The following SPEF2 variants were observed in gnomAD, a reference collection of about 807,000 sequenced individuals.
SPEF2 encodes the protein sperm flagella and cilia-associated protein 2.
Under a neutral mutation model 224.6 loss-of-function variants are expected in SPEF2, and 187 were observed. The observed-to-expected ratio is 0.83, with a 90% confidence interval of 0.74 to 0.94. The LOEUF (loss-of-function observed/expected upper bound fraction) is 0.94. Ranked by LOEUF, SPEF2 falls within the 40% of genes least tolerant of loss-of-function variation. The pLI is 0.00. For synonymous variants in SPEF2, 715 were observed against 707.3 expected (o/e 1.01, Z -0.17); for missense variants, 2,170 against 2,135.6 (o/e 1.02, Z -0.32).
chr5:35,618,149 G>A, intron 1 of SPEF2, 94 bp downstream of exon 1: 1 of 1,391,254 alleles, frequency 7.2e-7, no homozygotes. Context: ...GTGGCGGGCA[G>A]GGCGCGAGCT....
In SPEF2 at chr5:35,683,817, A is replaced by G. The variant is rs181180980; in HGVS notation, c.1525-7220A>G. On this transcript the variant is annotated intron_variant, in intron 10 of 36. Transcript: ENST00000356031. ...TACTTACACCTTCTCAAAAATACAT[A>G]CTGATAGTATTTATGCAGGTACAAT... 6.4e-3 allele frequency among the ~76,000 whole-genome samples: 974 copies of G among 152,330 alleles called. 53 individuals are homozygous for G. Among genetic ancestry groups the G allele is most frequent in the Admixed American group, 0.059 (908 of 15,290 alleles).
At chr5:35,694,073 T>C (rs957616803) in intron 12 of SPEF2, among the ~76,000 whole-genome samples, 2 of 152,228 alleles carry the variant, frequency 1.3e-5, no homozygotes, top group Admixed American at 1.3e-4. Flanking sequence ...CACAGGTTGC[T>C]GTGTATTTCT....
intron 5 of SPEF2, among the ~76,000 whole-genome samples, chr5:35,648,365 T>G (rs763232078): frequency 6.7e-6 from 1 of 149,118 alleles, no homozygotes; most frequent in Non-Finnish European, 1.5e-5. Flanking sequence ...TTGATTAAAG[T>G]TTTTTTTTTG....
chr5:35,704,780 G>C, intron 17 of SPEF2, 118 bp downstream of exon 17: 2 of 672,490 alleles, frequency 3.0e-6, no homozygotes, highest in East Asian at 2.9e-5. Flanking sequence ...ATCTTTTACA[G>C]GTAAAAGAAG....
intron 4 of SPEF2, 60 bp from the exon 5 acceptor site, chr5:35,646,607 G>C: frequency 6.6e-7 from 1 of 1,510,396 alleles, no homozygotes; most frequent in Non-Finnish European, 9.0e-7. Context: ...ACCTATGAGT[G>C]TATTATATTG....
chr5:35,705,889 T>A, intron 18 of SPEF2, 81 bp downstream of exon 18: 1 of 936,100 alleles, frequency 1.1e-6, no homozygotes, highest in Non-Finnish European at 1.5e-6. Flanking sequence ...AATGAAGATG[T>A]GATTGAAAAG....
At chr5:35,715,064 T>G (rs973330602) in intron 20 of SPEF2, among the ~76,000 whole-genome samples, 1 of 151,834 alleles carries the variant, frequency 6.6e-6, no homozygotes, top group Non-Finnish European at 1.5e-5. Flanking sequence ...AACAGGCATA[T>G]GCCACCACGC....
At chr5:35,636,121 T>C (rs531065097) in intron 2 of SPEF2, among the ~76,000 whole-genome samples, 1 of 152,308 alleles carries the variant, frequency 6.6e-6, no homozygotes, top group East Asian at 1.9e-4. Flanking sequence ...TTTTGTTTGT[T>C]TGTTTGTTTA....
At chr5:35,702,216 G>GC in intron 16 of SPEF2, 1 of 456,242 alleles carries the variant, frequency 2.2e-6, no homozygotes, top group Middle Eastern at 3.3e-4. Context: ...ATGCAGTTCT[G>GC]CAGTGCTCGG....
chr5:35,703,445 C>G (rs576546622), intron 16 of SPEF2, among the ~76,000 whole-genome samples: 3 of 152,246 alleles, frequency 2.0e-5, no homozygotes, highest in East Asian at 3.9e-4. Flanking sequence ...TGAAGAGATT[C>G]ATCAACTATA....
chr5:35,800,253 G>T, intron 34 of SPEF2, 106 bp downstream of exon 34: 2 of 1,274,136 alleles, frequency 1.6e-6, no homozygotes, highest in Non-Finnish European at 2.1e-6. Context: ...TATTTTCCTA[G>T]GTGTGTAATA....
intron 10 of SPEF2, among the ~76,000 whole-genome samples, chr5:35,686,092 T>A (rs1332701617): frequency 1.3e-5 from 2 of 152,058 alleles, no homozygotes; most frequent in African/African-American, 4.8e-5. Flanking sequence ...TACATTAAGA[T>A]GATTAGGGGC....
In SPEF2 at chr5:35,736,731, AT is replaced by A. The variant is rs1746670282; in HGVS notation, c.3064-3186del. Reference sequence around the variant, plus strand: ...GATTTCCCATCAAGAGTTTTACAAAATTGGTCTTGTTTGATGAGGGGAATGA... The same window carrying A: ...GATTTCCCATCAAGAGTTTTACAAAATGGTCTTGTTTGATGAGGGGAATGA... On this transcript the variant is annotated intron_variant, in intron 21 of 36. Transcript: ENST00000356031. 2.0e-5 allele frequency among the ~76,000 whole-genome samples: 3 copies of A among 152,314 alleles called. No individual in the cohort carries two copies. The South Asian group carries it at 6.2e-4, about 32-fold the overall frequency.
At chr5:35,813,526 T>A (rs1561401370) in intron 36 of SPEF2, among the ~76,000 whole-genome samples, 1 of 152,166 alleles carries the variant, frequency 6.6e-6, no homozygotes, top group Non-Finnish European at 1.5e-5. Flanking sequence ...AGAATTATAC[T>A]GGGTAAGACT....
intron 33 of SPEF2, among the ~76,000 whole-genome samples, chr5:35,798,343 A>G (rs1756963892): frequency 6.6e-6 from 1 of 152,134 alleles, no homozygotes; most frequent in Non-Finnish European, 1.5e-5. Flanking sequence ...AATTCTGCTC[A>G]GCCACACTGA....
chr5:35,723,018 T>TA (rs1744025177), intron 20 of SPEF2, among the ~76,000 whole-genome samples: 1 of 151,954 alleles, frequency 6.6e-6, no homozygotes, highest in Non-Finnish European at 1.5e-5. Context: ...TTTATTGGGT[T>TA]AAAACGGAAA....
At chr5:35,732,398 T>C (rs754038690) in intron 21 of SPEF2, among the ~76,000 whole-genome samples, 4 of 151,372 alleles carry the variant, frequency 2.6e-5, no homozygotes, top group Admixed American at 2.0e-4. Context: ...AGCACCACTA[T>C]GGATATCACT....
chr5:35,716,848 A>AT (rs1742672135), intron 20 of SPEF2, among the ~76,000 whole-genome samples: 1 of 151,978 alleles, frequency 6.6e-6, no homozygotes, highest in Non-Finnish European at 1.5e-5. Flanking sequence ...GGAACCATCT[A>AT]TTTTTTCCTT....
chr5:35,694,766 G>T (rs1009551200), intron 13 of SPEF2, among the ~76,000 whole-genome samples: 1 of 152,168 alleles, frequency 6.6e-6, no homozygotes, highest in African/African-American at 2.4e-5. Context: ...GCAGAAGGCT[G>T]TAGGGGCTGG....
Sources: allele counts gnomAD v4.1 joint callset (sites outside exome capture counted in the v4.1 genomes callset), GRCh38; gene constraint gnomAD v4.1.1; transcripts MANE v1.5; gene names NCBI Gene and HGNC (gene_info 2026-07-23, HGNC 2026-07-21).